TCERG1: variants seen among roughly 807,000 people sequenced by gnomAD.
TCERG1 encodes transcription elongation regulator 1, also known as TATA box binding protein (TBP)-associated factor, RNA polymerase II, S, 150kD.
In TCERG1, 37 loss-of-function variants were observed where a neutral mutation model predicts 144.7. The observed-to-expected ratio is 0.26, with a 90% CI of 0.20 to 0.34. The LOEUF (loss-of-function observed/expected upper bound fraction) is 0.34. Ranked by LOEUF, TCERG1 falls within the 10% of genes least tolerant of loss-of-function variation. The pLI is 1.00. For missense variants in TCERG1, 1,027 were observed against 1,380.7 expected, an observed-to-expected ratio of 0.74 and a Z score of 4.06; for synonymous variants, 492 against 458.2, an observed-to-expected ratio of 1.07 and a Z score of -0.94.
Position 146,470,623 on chromosome 5 carries a change from AT to A in TCERG1, c.1400-6del. 1 of 1,587,446 alleles carries A rather than the reference AT, an allele frequency of 6.3e-7. No homozygotes were observed. The highest frequency in any genetic ancestry group is 1.9e-5 in the Admixed American group (1 of 52,474). ...AAAACCTTTGAGTGACATTATCTTAATTTTTTTCATAGAAAAGTTAGAAGAG... is the reference window on the plus strand; with the variant it reads ...AAAACCTTTGAGTGACATTATCTTAATTTTTTCATAGAAAAGTTAGAAGAG... On this transcript the variant is annotated splice_polypyrimidine_tract_variant and intron_variant, in intron 7 of 22. Transcript: ENST00000679501.
At chr5:146,461,167 G>A (rs1189371886) in intron 4 of TCERG1, among the ~76,000 whole-genome samples, 1 of 152,058 alleles carries the variant, frequency 6.6e-6, no homozygotes, top group Non-Finnish European at 1.5e-5. Flanking sequence ...TGTCCTGTTT[G>A]TCAGTTTTGC....
intron 22 of TCERG1, 27 bp downstream of exon 22, chr5:146,509,272 G>T: frequency 6.8e-7 from 1 of 1,464,104 alleles, no homozygotes; most frequent in South Asian, 1.2e-5. Flanking sequence ...GTTTCATATT[G>T]GCAGTCATTC....
At position 146,511,180 on chromosome 5, in the gene TCERG1, T is replaced by TA. The variant is rs1768433019; in HGVS notation, c.*539dup. 3 of 152,686 alleles carry TA rather than the reference T, an allele frequency of 2.0e-5. No individual in the cohort carries two copies. Among genetic ancestry groups the TA allele is most frequent in the Admixed American group, 6.5e-5 (1 of 15,286 alleles). The allele number at this position is 152,686 out of a possible 1,614,324, so 9.5% of individuals were successfully genotyped here. ...ATCAGATTAGTTTTATTTGTTCACT[T>TA]ACGTGCTTTGATTATCCCCTCTGAA... On this transcript the variant is annotated 3_prime_UTR_variant, in exon 23 of 23. Coordinates refer to ENST00000679501, the MANE Select transcript of TCERG1 (RefSeq NM_001382548.1).
At chr5:146,457,373 C>T in intron 3 of TCERG1, 38 bp downstream of exon 3, 5 of 1,550,560 alleles carry the variant, frequency 3.2e-6, no homozygotes, top group Non-Finnish European at 4.4e-6. Flanking sequence ...CATTTGTTGA[C>T]AGAGGAGTAA....
chr5:146,447,981 A>G (rs1762037557), intron 1 of TCERG1, among the ~76,000 whole-genome samples: 1 of 152,102 alleles, frequency 6.6e-6, no homozygotes, highest in Admixed American at 6.5e-5. Context: ...ATTATCCTGT[A>G]GTTGTGAGTA....
intron 4 of TCERG1, among the ~76,000 whole-genome samples, chr5:146,460,552 T>C (rs1763251474): frequency 6.6e-6 from 1 of 152,128 alleles, no homozygotes; most frequent in Non-Finnish European, 1.5e-5. Flanking sequence ...AATGTGGGGT[T>C]TTTTTGTGAT....
chr5:146,463,425 C>T, intron 4 of TCERG1, 126 bp from the exon 5 acceptor site: 1 of 1,380,270 alleles, frequency 7.2e-7, no homozygotes, highest in Non-Finnish European at 9.8e-7. Flanking sequence ...GACCTTTTGA[C>T]AAATTTCTTG....
chr5:146,491,360 G>A (rs1313432397), intron 15 of TCERG1, among the ~76,000 whole-genome samples: 1 of 152,026 alleles, frequency 6.6e-6, no homozygotes, highest in African/African-American at 2.4e-5. Context: ...TCTCAACCAC[G>A]AGTAGTTTTG....
At chr5:146,475,067 AATC>A (rs1351998058) in intron 9 of TCERG1, among the ~76,000 whole-genome samples, 8 of 152,022 alleles carry the variant, frequency 5.3e-5, no homozygotes, top group African/African-American at 1.9e-4. Flanking sequence ...CAACTTATTT[AATC>A]TATATACAAT....
At chr5:146,460,505 A>G (rs1763248925) in intron 4 of TCERG1, among the ~76,000 whole-genome samples, 1 of 152,036 alleles carries the variant, frequency 6.6e-6, no homozygotes, top group Non-Finnish European at 1.5e-5. Flanking sequence ...AATTTGTATT[A>G]TTTTACTACC....
At chr5:146,451,291 T>C (rs1007952407) in intron 1 of TCERG1, among the ~76,000 whole-genome samples, 3 of 151,984 alleles carry the variant, frequency 2.0e-5, no homozygotes, top group African/African-American at 7.3e-5. Flanking sequence ...AAAAAGACCT[T>C]CTGATTATTT....
chr5:146,510,659 A>G lies in TCERG1; in HGVS notation c.*17A>G, dbSNP rs574535401. On this transcript the variant is annotated 3_prime_UTR_variant, in exon 23 of 23. Transcript: ENST00000679501. ...ACAAAATAATTCTAAATACTCTTCCATAGGGGCATCTATTCAAAATGCTTG... is the reference window on the plus strand; with the variant it reads ...ACAAAATAATTCTAAATACTCTTCCGTAGGGGCATCTATTCAAAATGCTTG... The G allele has an allele frequency of 1.6e-5, 26 of 1,603,834 alleles. No individual in the cohort carries two copies. The highest frequency in any genetic ancestry group is 6.7e-5 in the South Asian group (6 of 89,946).
Position 146,498,589 on chromosome 5 carries a change from C to G in TCERG1, c.2336C>G (p.Ala779Gly). ...AKHAKDSRFK[A>G]IEKMKDREAL... ...CATGCTAAAGATTCAAGATTCAAAG[C>G]AATTGAAAAGATGAAAGACCGAGAA... is the stretch of plus-strand genomic sequence containing the variant. The change falls in exon 17 of 23, where the codon GCA becomes GGA. Residue 779 changes from alanine to glycine, a missense_variant. Coordinates refer to ENST00000679501, the MANE Select transcript of TCERG1 (RefSeq NM_001382548.1). The G allele has an allele frequency of 1.2e-6, 2 of 1,609,568 alleles. No individual in the cohort carries two copies.
chr5:146,447,697 C>A (rs1034172496), intron 1 of TCERG1, among the ~76,000 whole-genome samples: 1 of 152,228 alleles, frequency 6.6e-6, no homozygotes, highest in Non-Finnish European at 1.5e-5. Flanking sequence ...GTGCTCCCGC[C>A]TTTGGGCCCC....
intron 15 of TCERG1, among the ~76,000 whole-genome samples, chr5:146,490,790 A>C (rs751571363): frequency 6.6e-6 from 1 of 151,988 alleles, no homozygotes; most frequent in Non-Finnish European, 1.5e-5. Context: ...GCCTTCATGG[A>C]TTGGTTCTTC....
rs185332138 is a variant in TCERG1 at position 146,479,423 on chromosome 5, C to G, written c.1763-432C>G. On this transcript the variant is annotated intron_variant, in intron 10 of 22. Transcript: ENST00000679501. The stretch of plus-strand genomic sequence containing the variant: ...CTTTGCCTATCTAGTGCTGAAGGTA[C>G]TAGGCTCACCTTCAGCAATACTTGT... 1.6e-4 allele frequency among the ~76,000 whole-genome samples: 24 copies of G among 152,140 alleles called. No individual in the cohort carries two copies. The East Asian group carries it at 3.9e-3, about 24-fold the overall frequency.
chr5:146,454,943 C>T, intron 1 of TCERG1, 113 bp from the exon 2 acceptor site: 1 of 1,158,128 alleles, frequency 8.6e-7, no homozygotes, highest in Non-Finnish European at 1.2e-6. Flanking sequence ...GATGACTTTC[C>T]AACTCCACTT....
At chr5:146,462,319 G>C (rs1763407847) in intron 4 of TCERG1, among the ~76,000 whole-genome samples, 1 of 152,128 alleles carries the variant, frequency 6.6e-6, no homozygotes, top group African/African-American at 2.4e-5. Context: ...TTCTTAGTCC[G>C]ATACAGGTAG....
chr5:146,493,250 A>T (rs1254946353), intron 16 of TCERG1, among the ~76,000 whole-genome samples: 1 of 152,074 alleles, frequency 6.6e-6, no homozygotes, highest in Non-Finnish European at 1.5e-5. Context: ...CCTTTGATTT[A>T]AGTGCTTCCC....
Sources: gnomAD v4.1 joint callset for allele counts (sites outside exome capture counted in the v4.1 genomes callset) on GRCh38, gnomAD v4.1.1 for gene constraint, MANE v1.5 for transcripts, NCBI Gene and HGNC (gene_info 2026-07-23, HGNC 2026-07-21) for gene names.